Variants in ULK4 observed in about 807,000 individuals in gnomAD.
ULK4 encodes unc-51 like kinase 4.
ULK4 carries 133 observed loss-of-function variants against 160.6 expected under a neutral mutation model. That is an observed-to-expected ratio of 0.83 (90% confidence interval 0.72 to 0.96). ULK4 has a LOEUF of 0.96. Among genes scored for constraint, ULK4 ranks in the 40% least tolerant of loss-of-function variants. The pLI is 0.00. For missense variants in ULK4, 1,580 were observed against 1,499.5 expected (o/e 1.05, Z -0.89); for synonymous variants, 534 against 539.8 (o/e 0.99, Z 0.15).
chr3:41,929,519 G>T (rs1158457020), intron 5 of ULK4, among the ~76,000 whole-genome samples: 1 of 152,144 alleles, frequency 6.6e-6, no homozygotes, highest in Admixed American at 6.5e-5. Flanking sequence ...AAGAAATAAA[G>T]GGTATTCAAA....
At chr3:41,573,368 G>A (rs942784087) in intron 31 of ULK4, among the ~76,000 whole-genome samples, 6 of 152,164 alleles carry the variant, frequency 3.9e-5, no homozygotes, top group African/African-American at 9.7e-5. Flanking sequence ...CAGTTTCACC[G>A]TAGACAGGGC....
At chr3:41,879,688 G>A (rs970167253) in intron 17 of ULK4, among the ~76,000 whole-genome samples, 1 of 152,052 alleles carries the variant, frequency 6.6e-6, no homozygotes, top group Non-Finnish European at 1.5e-5. Flanking sequence ...ATGTTGCCCA[G>A]GCTGGTCTCA....
At chr3:41,468,907 G>A (rs185494502) in intron 32 of ULK4, among the ~76,000 whole-genome samples, 90 of 152,318 alleles carry the variant, frequency 5.9e-4, no homozygotes, top group Non-Finnish European at 1.1e-3. Context: ...GAAAGGAGGT[G>A]TAGTAGAAAG....
intron 32 of ULK4, among the ~76,000 whole-genome samples, chr3:41,545,231 T>C (rs998444396): frequency 6.6e-6 from 1 of 152,206 alleles, no homozygotes. Flanking sequence ...TTCTCTCTTG[T>C]GCACTTCATT....
chr3:41,639,782 G>A (rs1401214633), intron 30 of ULK4, among the ~76,000 whole-genome samples: 1 of 151,800 alleles, frequency 6.6e-6, no homozygotes, highest in African/African-American at 2.4e-5. Flanking sequence ...TTAATATTCT[G>A]GTCTAAGGCA....
At chr3:41,953,315 T>C (rs2148844285) in intron 2 of ULK4, among the ~76,000 whole-genome samples, 1 of 144,478 alleles carries the variant, frequency 6.9e-6, no homozygotes, top group East Asian at 2.0e-4. Context: ...TTTTTTTTTT[T>C]TTTTGAGATG....
chr3:41,927,675 C>CAAAA (rs35242579), intron 5 of ULK4, among the ~76,000 whole-genome samples: 5 of 118,384 alleles, frequency 4.2e-5, no homozygotes, highest in Non-Finnish European at 6.6e-5. Flanking sequence ...AAATGGAAAG[C>CAAAA]AAAAAAAAAA....
rs141739931 is a variant in ULK4, at chr3:41,647,607, G to A, written c.3071+16000C>T. ...GTGAGGTGTCAGTCTGCCCCTACTC[G>A]GGGGTGCCTCCCAGTTAGGCTGCTT... On this transcript the variant is annotated intron_variant, in intron 30 of 36. Transcript: ENST00000301831. Among the ~76,000 whole-genome samples the A allele has an allele frequency of 7.2e-3, 1,096 of 152,304 alleles. 10 individuals are homozygous for A. The highest frequency in any genetic ancestry group is 0.031 in the Middle Eastern group (9 of 294).
chr3:41,669,211 G>C (rs1478433375), intron 29 of ULK4, among the ~76,000 whole-genome samples: 1 of 152,150 alleles, frequency 6.6e-6, no homozygotes. Flanking sequence ...AAAAATATTG[G>C]CAGAATGTAT....
intron 35 of ULK4, among the ~76,000 whole-genome samples, chr3:41,315,913 G>A (rs927530861): frequency 2.0e-5 from 3 of 152,138 alleles, no homozygotes; most frequent in African/African-American, 7.2e-5. Context: ...TAAAGAGGTC[G>A]AGAAATCAGA....
intron 20 of ULK4, among the ~76,000 whole-genome samples, chr3:41,797,088 C>T (rs1173616270): frequency 2.0e-5 from 3 of 151,942 alleles, no homozygotes; most frequent in South Asian, 2.1e-4. Flanking sequence ...GATATGAATA[C>T]GTACATGCAT....
chr3:41,398,145 A>G lies in ULK4; in HGVS notation c.3612T>C (p.Ala1204=), dbSNP rs1221721121. The change falls in exon 35 of 37, where the codon GCT becomes GCC. Residue 1204 remains alanine, a synonymous_variant. Coordinates refer to ENST00000301831, the MANE Select transcript of ULK4 (RefSeq NM_017886.4). ...GGTCCTCCTTGGATGTCAGTAAATG[A>G]GCAAAAATTTCCACATTTTCAGGAG... ...SLSPENVEIF[A]HLLTSKEDPK... 6.2e-7 allele frequency: 1 copy of G among 1,613,574 alleles called. No homozygotes were observed. Among genetic ancestry groups the G allele is most frequent in the East Asian group, 2.2e-5 (1 of 44,846 alleles).
chr3:41,717,122 TC>T (rs1235223502), intron 23 of ULK4, among the ~76,000 whole-genome samples: 3 of 152,016 alleles, frequency 2.0e-5, no homozygotes, highest in African/African-American at 7.2e-5. Context: ...AGAAATAAAT[TC>T]AGTGTTTGAT....
chr3:41,747,467 C>A (rs2038457351), intron 22 of ULK4, among the ~76,000 whole-genome samples: 1 of 151,340 alleles, frequency 6.6e-6, no homozygotes, highest in African/African-American at 2.5e-5. Context: ...CCTATTTATA[C>A]AAGAGACCAC....
At chr3:41,407,212 G>GAAC (rs920753207) in intron 34 of ULK4, among the ~76,000 whole-genome samples, 13 of 151,992 alleles carry the variant, frequency 8.6e-5, no homozygotes, top group South Asian at 2.1e-4. Flanking sequence ...TCCTACAAAA[G>GAAC]AACAACAACA....
intron 32 of ULK4, among the ~76,000 whole-genome samples, chr3:41,529,795 G>A (rs992686155): frequency 6.6e-6 from 1 of 152,076 alleles, no homozygotes; most frequent in Non-Finnish European, 1.5e-5. Flanking sequence ...GCCCAGCCAG[G>A]TACTGATATT....
Position 41,463,046 on chromosome 3 carries a change from G to A in ULK4, c.3393+41C>T. On this transcript the variant is annotated intron_variant, in intron 33 of 36. Transcript: ENST00000301831. Reference sequence around the variant, plus strand: ...AGAGAATGAAAGGGAAGCATGAAATGGAGTAGGGCTGCTCAAGACACAGGA... The same window carrying A: ...AGAGAATGAAAGGGAAGCATGAAATAGAGTAGGGCTGCTCAAGACACAGGA... 6 of 1,582,498 alleles carry A rather than the reference G, an allele frequency of 3.8e-6. No individual in the cohort carries two copies. The South Asian group carries it at 5.7e-5, about 15-fold the overall frequency.
intron 17 of ULK4, among the ~76,000 whole-genome samples, chr3:41,843,406 C>T (rs1047354121): frequency 2.0e-5 from 3 of 151,934 alleles, no homozygotes; most frequent in African/African-American, 4.8e-5. Context: ...CGGACCCTCG[C>T]GGTGAGTGTT....
chr3:41,835,954 A>C lies in ULK4; in HGVS notation c.1674T>G (p.Thr558=). 7 of 1,602,656 alleles carry C rather than the reference A, an allele frequency of 4.4e-6. No individual in the cohort carries two copies. Among genetic ancestry groups the C allele is most frequent in the Non-Finnish European group, 6.0e-6 (7 of 1,174,284 alleles). ...TCCTGAAGTTTTCCCTAATTAATTC[A>C]GTTAAGAGAACAATTGCCTGCAAAG... The part of the protein sequence containing the change: ...TPVVEAIVLL[T]ELIRENFRNS... The change falls in exon 18 of 37, where the codon ACT becomes ACG. Residue 558 remains threonine (T), a synonymous_variant. Transcript: ENST00000301831.
Sources: gnomAD v4.1 joint callset for allele counts (sites outside exome capture counted in the v4.1 genomes callset) on GRCh38, gnomAD v4.1.1 for gene constraint, MANE v1.5 for transcripts, NCBI Gene and HGNC (gene_info 2026-07-23, HGNC 2026-07-21) for gene names.